The following PRKN variants were observed in gnomAD, a reference collection of about 807,000 sequenced individuals.
PRKN encodes E3 ubiquitin-protein ligase parkin.
Under a neutral mutation model 59.5 loss-of-function variants are expected in PRKN, and 56 were observed. The observed-to-expected ratio is 0.94, with a 90% CI of 0.76 to 1.18. PRKN has a LOEUF of 1.18. PRKN is among the 50% of genes most tolerant of loss of function. The pLI, the probability that PRKN is intolerant of heterozygous loss-of-function variation, is 0.00. For missense variants in PRKN, 657 were observed against 596.4 expected, an observed-to-expected ratio of 1.10 and a Z score of -1.06; for synonymous variants, 250 against 222.1, an observed-to-expected ratio of 1.13 and a Z score of -1.12.
intron 10 of PRKN, among the ~76,000 whole-genome samples, chr6:161,384,890 G>A (rs1419856828): frequency 1.3e-5 from 2 of 152,132 alleles, no homozygotes; most frequent in African/African-American, 4.8e-5. Flanking sequence ...CTCCCCCCAT[G>A]GCTCCCCTAT....
chr6:161,426,352 A>G (rs1048324476), intron 9 of PRKN, among the ~76,000 whole-genome samples: 4 of 152,136 alleles, frequency 2.6e-5, no homozygotes, highest in African/African-American at 9.7e-5. Flanking sequence ...TTAACATTTG[A>G]GTCAGTGGGC....
intron 5 of PRKN, among the ~76,000 whole-genome samples, chr6:162,026,405 G>T (rs989997565): frequency 1.3e-5 from 2 of 152,214 alleles, no homozygotes; most frequent in Non-Finnish European, 2.9e-5. Context: ...GAACCAGAAT[G>T]TAGGTCCTGT....
chr6:162,150,341 C>A (rs1782214812), intron 4 of PRKN, among the ~76,000 whole-genome samples: 1 of 152,106 alleles, frequency 6.6e-6, no homozygotes. Flanking sequence ...GTTTGGGGGC[C>A]TTCTCTGTTT....
chr6:162,460,524 A>C (rs1431457476), intron 1 of PRKN, among the ~76,000 whole-genome samples: 1 of 152,178 alleles, frequency 6.6e-6, no homozygotes, highest in Non-Finnish European at 1.5e-5. Context: ...TAGTATGTGA[A>C]TTATATCTTA....
chr6:162,640,010 C>T (rs1276268286), intron 1 of PRKN, among the ~76,000 whole-genome samples: 1 of 152,118 alleles, frequency 6.6e-6, no homozygotes, highest in Non-Finnish European at 1.5e-5. Context: ...TTTTCTCCAG[C>T]AGATTTTATA....
intron 1 of PRKN, among the ~76,000 whole-genome samples, chr6:162,701,597 C>T (rs1778153929): frequency 6.6e-6 from 1 of 151,620 alleles, no homozygotes; most frequent in African/African-American, 2.4e-5. Context: ...ACCTGTTCAC[C>T]AATCAAAATA....
rs1181615158 is a variant in PRKN at position 161,353,068 on chromosome 6, G to A, written c.1286-2857C>T. Among the ~76,000 whole-genome samples the A allele has an allele frequency of 6.6e-6, 1 of 151,986 alleles. No homozygotes were observed. The highest frequency in any genetic ancestry group is 1.5e-5 in the Non-Finnish European group (1 of 68,012). On this transcript the variant is annotated intron_variant, in intron 11 of 11. Transcript: ENST00000366898. The surrounding 1 kb of genome is among the most constrained non-coding windows in gnomAD (Gnocchi z 4.8). Reference sequence around the variant, plus strand: ...GCTGGGATTACAGGCATGAGCCACCGCGCCTGGCTGATAGATGTGTTTTTC... The same window carrying A: ...GCTGGGATTACAGGCATGAGCCACCACGCCTGGCTGATAGATGTGTTTTTC...
chr6:161,821,842 G>A (rs2128216439), intron 6 of PRKN, among the ~76,000 whole-genome samples: 1 of 143,520 alleles, frequency 7.0e-6, no homozygotes, highest in Admixed American at 7.5e-5. Context: ...TCTGCGCCCT[G>A]GGTTGAAGTG....
In PRKN at chr6:161,369,229, A is replaced by G. The variant is rs117934566; in HGVS notation, c.1168-9024T>C. The stretch of plus-strand genomic sequence containing the variant: ...GATCTCAAGCAGTGGCTGGGTGCCC[A>G]CAGGTTCAAGATCACCAAAGCGATT... On this transcript the variant is annotated intron_variant, in intron 10 of 11. Transcript: ENST00000366898. This position sits in a 1 kb window ranked among gnomAD's most constrained non-coding sequence, Gnocchi z 5.8. Among the ~76,000 whole-genome samples, 2,338 of 152,340 alleles carry G rather than the reference A, an allele frequency of 0.015. 26 individuals are homozygous for G. The highest frequency in any genetic ancestry group is 0.023 in the Non-Finnish European group (1,577 of 68,014).
chr6:161,815,203 G>A (rs899729775), intron 6 of PRKN, among the ~76,000 whole-genome samples: 3 of 152,076 alleles, frequency 2.0e-5, no homozygotes, highest in South Asian at 4.1e-4. Flanking sequence ...TAGGACACTC[G>A]CACTTACTTC....
intron 1 of PRKN, among the ~76,000 whole-genome samples, chr6:162,519,126 C>T (rs1212392490): frequency 6.6e-6 from 1 of 152,098 alleles, no homozygotes; most frequent in African/African-American, 2.4e-5. Flanking sequence ...ACCGAGATCG[C>T]ACCATTGCAC....
rs990547871 is a variant in PRKN at position 161,885,622 on chromosome 6, A to G, written c.734+87680T>C. On this transcript the variant is annotated intron_variant, in intron 6 of 11. Transcript: ENST00000366898. The stretch of plus-strand genomic sequence containing the variant: ...GGAGCTTGCAGTGGGCCAAGATTGC[A>G]CCACTGCACTCCAGCCTGGGTGACA... Among the ~76,000 whole-genome samples the G allele has an allele frequency of 8.7e-4, 130 of 148,596 alleles. 1 individual carries two copies. The highest frequency in any genetic ancestry group is 3.6e-3 in the Middle Eastern group (1 of 278).
At position 162,182,576 on chromosome 6, in the gene PRKN, AG is replaced by A. The variant is rs1783844741; in HGVS notation, c.534+18554del. On this transcript the variant is annotated intron_variant, in intron 4 of 11. Transcript: ENST00000366898. ...AAGCATCATGCAAATCTAACACTTC[AG>A]TCTGAAACATGGGATGGCAAGTTAC... Among the ~76,000 whole-genome samples, 3 of 152,298 alleles carry A rather than the reference AG, an allele frequency of 2.0e-5. No homozygotes were observed. In the South Asian group the frequency reaches 6.2e-4, roughly 32 times the overall value.
At chr6:161,465,897 CT>C (rs1448608149) in intron 9 of PRKN, among the ~76,000 whole-genome samples, 1 of 152,110 alleles carries the variant, frequency 6.6e-6, no homozygotes, top group African/African-American at 2.4e-5. Context: ...ATGTTTATTA[CT>C]TTTTTTCACT....
At chr6:161,722,258 CATA>C (rs1225497587) in intron 7 of PRKN, among the ~76,000 whole-genome samples, 1 of 152,100 alleles carries the variant, frequency 6.6e-6, no homozygotes, top group Non-Finnish European at 1.5e-5. Context: ...ATACAAATAT[CATA>C]ATATTTTTGT....
At chr6:162,485,468 G>A (rs1792495453) in intron 1 of PRKN, among the ~76,000 whole-genome samples, 1 of 152,154 alleles carries the variant, frequency 6.6e-6, no homozygotes, top group African/African-American at 2.4e-5. Context: ...TTCCTTTGAG[G>A]TCAGAAGTAG....
chr6:162,449,545 ATTT>A (rs1175486901), intron 1 of PRKN, among the ~76,000 whole-genome samples: 1 of 151,746 alleles, frequency 6.6e-6, no homozygotes, highest in African/African-American at 2.4e-5. Flanking sequence ...CTCGTTTTTT[ATTT>A]TTTAATTGCT....
chr6:161,867,187 T>C (rs537387076), intron 6 of PRKN, among the ~76,000 whole-genome samples: 67 of 152,336 alleles, frequency 4.4e-4, no homozygotes, highest in African/African-American at 1.6e-3. Flanking sequence ...ACCCTTAGAA[T>C]TAACTGTTTT....
chr6:161,373,971 C>T lies in PRKN; in HGVS notation c.1167+12823G>A, dbSNP rs541619443. 6.6e-6 allele frequency among the ~76,000 whole-genome samples: 1 copy of T among 152,242 alleles called. No homozygotes were observed. Among genetic ancestry groups the T allele is most frequent in the South Asian group, 2.1e-4 (1 of 4,826 alleles). Reference sequence around the variant, plus strand: ...GTGGCTGGGGTGCCTTTCAAAGTGGCGTTCACTCCCTTTTCCCCCAGGTCA... The same window carrying T: ...GTGGCTGGGGTGCCTTTCAAAGTGGTGTTCACTCCCTTTTCCCCCAGGTCA... On this transcript the variant is annotated intron_variant, in intron 10 of 11. Transcript: ENST00000366898. This position sits in a 1 kb window ranked among gnomAD's most constrained non-coding sequence, Gnocchi z 4.8.
Sources: allele counts gnomAD v4.1 joint callset (sites outside exome capture counted in the v4.1 genomes callset), GRCh38; gene constraint gnomAD v4.1.1; non-coding constraint Gnocchi (gnomAD v3.1); transcripts MANE v1.5; gene names NCBI Gene and HGNC (gene_info 2026-07-23, HGNC 2026-07-21).